The following PSMG2 variants were observed in gnomAD, a reference collection of about 807,000 sequenced individuals.
PSMG2 encodes the protein proteasome assembly chaperone 2.
Under a neutral mutation model 31.5 loss-of-function variants are expected in PSMG2, and 21 were observed. That is an observed-to-expected ratio of 0.67 (90% CI 0.47 to 0.96). The LOEUF is 0.96. Ranked by LOEUF, PSMG2 falls within the 40% of genes least tolerant of loss-of-function variation. The pLI, the probability that PSMG2 is intolerant of heterozygous loss-of-function variation, is 0.00. For synonymous variants in PSMG2, 120 were observed against 110.4 expected (o/e 1.09, Z -0.54); for missense variants, 318 against 321.2 (o/e 0.99, Z 0.08).
At position 12,725,676 on chromosome 18, in the gene PSMG2, G is replaced by A. The variant is rs2040470401; in HGVS notation, c.*145G>A. 16 of 490,652 alleles carry A rather than the reference G, an allele frequency of 3.3e-5. No homozygotes were observed. Among genetic ancestry groups the A allele is most frequent in the Non-Finnish European group, 5.5e-5 (16 of 288,502 alleles). The allele number at this position is 490,652 out of a possible 1,614,324, so 30.4% of individuals were successfully genotyped here. ...AAGAAAAAAGATTAAGGGTCTCTTT[G>A]CCATGCTTTTCATCATATGCACCAA... On this transcript the variant is annotated 3_prime_UTR_variant, in exon 7 of 7. Transcript: ENST00000317615.
chr18:12,690,147 C>T (rs940808022), intron 1 of PSMG2, among the ~76,000 whole-genome samples: 1 of 152,154 alleles, frequency 6.6e-6, no homozygotes, highest in East Asian at 1.9e-4. Context: ...AATGTTGTTA[C>T]CTTGCCAACC....
At chr18:12,702,627 G>C, upstream of PSMG2, 3 of 1,480,924 alleles carry the variant, frequency 2.0e-6, no homozygotes, top group Non-Finnish European at 2.7e-6. Context: ...GCCAGGGAGC[G>C]TTAGGAGCGA....
intron 3 of PSMG2, among the ~76,000 whole-genome samples, chr18:12,713,932 G>A (rs968974127): frequency 6.6e-6 from 1 of 151,998 alleles, no homozygotes; most frequent in East Asian, 1.9e-4. Flanking sequence ...TGTATTTTTA[G>A]TAGAGACGGG....
At chr18:12,707,452 C>G (rs2040281347) in intron 2 of PSMG2, among the ~76,000 whole-genome samples, 1 of 152,050 alleles carries the variant, frequency 6.6e-6, no homozygotes, top group Non-Finnish European at 1.5e-5. Flanking sequence ...AAGTCTTATC[C>G]TCGTAGTCAT....
chr18:12,668,985 C>G (rs921372943), intron 1 of PSMG2, among the ~76,000 whole-genome samples: 3 of 148,184 alleles, frequency 2.0e-5, no homozygotes, highest in Admixed American at 6.8e-5. Context: ...GGTGATCTGC[C>G]TGCCTCAGCC....
intron 5 of PSMG2, among the ~76,000 whole-genome samples, chr18:12,723,171 C>A (rs1048942950): frequency 3.3e-5 from 5 of 152,176 alleles, no homozygotes; most frequent in Non-Finnish European, 5.9e-5. Flanking sequence ...TAGAACTCGG[C>A]TCACTTTTAT....
intron 1 of PSMG2, chr18:12,695,381 G>A (rs373212525): frequency 1.8e-6 from 2 of 1,088,316 alleles, no homozygotes; most frequent in Non-Finnish European, 2.7e-6. Context: ...GAACTTCAGA[G>A]ATTTCAATAC....
upstream of PSMG2, chr18:12,698,755 T>C: frequency 1.8e-6 from 1 of 542,182 alleles, no homozygotes; most frequent in Non-Finnish European, 3.3e-6. Flanking sequence ...TACTAAAGAA[T>C]CAACAATGAA....
intron 1 of PSMG2, chr18:12,673,223 C>A: frequency 7.3e-7 from 1 of 1,362,470 alleles, no homozygotes; most frequent in South Asian, 2.2e-5. Flanking sequence ...TTAAACATTA[C>A]CAGTCAAGTA....
chr18:12,683,973 A>G (rs1018317493), intron 1 of PSMG2, among the ~76,000 whole-genome samples: 10 of 150,790 alleles, frequency 6.6e-5, no homozygotes, highest in African/African-American at 2.4e-4. Flanking sequence ...TTGTTTGTAC[A>G]GTAAAAAATC....
At chr18:12,702,704 C>T, upstream of PSMG2, 1 of 812,746 alleles carries the variant, frequency 1.2e-6, no homozygotes. Flanking sequence ...CCGCGTCAGG[C>T]CGGGGGCTGA....
chr18:12,720,306 G>A (rs1280781276), intron 4 of PSMG2, among the ~76,000 whole-genome samples: 1 of 152,132 alleles, frequency 6.6e-6, no homozygotes, highest in Non-Finnish European at 1.5e-5. Flanking sequence ...TTTTGCAATG[G>A]GCTTGCCTAA....
chr18:12,676,415 C>A (rs1420512006), intron 1 of PSMG2, among the ~76,000 whole-genome samples: 3 of 150,894 alleles, frequency 2.0e-5, no homozygotes, highest in African/African-American at 7.3e-5. Flanking sequence ...TCTGGGACTA[C>A]AGGCATGCAC....
chr18:12,710,056 C>T (rs1403514752), intron 2 of PSMG2, among the ~76,000 whole-genome samples: 2 of 151,940 alleles, frequency 1.3e-5, no homozygotes, highest in South Asian at 2.1e-4. Flanking sequence ...CATTCTTCCG[C>T]CTCAGCCTCC....
At chr18:12,675,763 G>C (rs577219875) in intron 1 of PSMG2, among the ~76,000 whole-genome samples, 1 of 151,940 alleles carries the variant, frequency 6.6e-6, no homozygotes, top group Non-Finnish European at 1.5e-5. Context: ...CTGCCTCCCA[G>C]GTTCAAGCGA....
At position 12,723,835 on chromosome 18, in the gene PSMG2, A is replaced by G. The variant is rs72882954; in HGVS notation, c.582-664A>G. ...AACCTGTGAAGTAGGTTCCATTATC[A>G]TCCCCCTTTTATAGATGAGGAACAC... On this transcript the variant is annotated intron_variant, in intron 5 of 6. Coordinates refer to ENST00000317615, the MANE Select transcript of PSMG2 (RefSeq NM_020232.5). Among the ~76,000 whole-genome samples, 705 of 152,254 alleles carry G rather than the reference A, an allele frequency of 4.6e-3. 5 individuals carry two copies. The highest frequency in any genetic ancestry group is 9.3e-3 in the South Asian group (45 of 4,818).
chr18:12,719,664 G>GGCAT (rs2145149660), intron 4 of PSMG2, among the ~76,000 whole-genome samples: 1 of 150,892 alleles, frequency 6.6e-6, no homozygotes, highest in Admixed American at 6.6e-5. Context: ...TGGGATTACA[G>GGCAT]GCATGAGTCA....
chr18:12,722,857 A>G (rs760148597), intron 5 of PSMG2, among the ~76,000 whole-genome samples: 13 of 152,360 alleles, frequency 8.5e-5, no homozygotes, highest in African/African-American at 2.6e-4. Flanking sequence ...TGCGCTTTCC[A>G]AGTTAGAGCC....
intron 1 of PSMG2, chr18:12,684,896 G>A (rs2039484315): frequency 6.6e-6 from 1 of 152,078 alleles, no homozygotes; most frequent in Non-Finnish European, 1.5e-5. Context: ...TTCAAAAAGT[G>A]TAATTAAATA....
Sources: gnomAD v4.1 joint callset for allele counts (sites outside exome capture counted in the v4.1 genomes callset) on GRCh38, gnomAD v4.1.1 for gene constraint, MANE v1.5 for transcripts, NCBI Gene and HGNC (gene_info 2026-07-23, HGNC 2026-07-21) for gene names.